The following TULP4 variants were observed in gnomAD, a reference collection of about 807,000 sequenced individuals.
TULP4 encodes tubby-related protein 4.
Under a neutral mutation model 129.0 loss-of-function variants are expected in TULP4, and 16 were observed. The observed-to-expected ratio is 0.12, with a 90% CI of 0.08 to 0.19. The LOEUF (loss-of-function observed/expected upper bound fraction) is 0.19. Ranked by LOEUF, TULP4 falls within the 10% of genes least tolerant of loss-of-function variation. The pLI, the probability that TULP4 is intolerant of heterozygous loss-of-function variation, is 1.00. For synonymous variants in TULP4, 998 were observed against 854.0 expected, an observed-to-expected ratio of 1.17 and a Z score of -2.94; for missense variants, 1,842 against 2,059.1, an observed-to-expected ratio of 0.89 and a Z score of 2.04.
At chr6:158,506,393 G>A (rs906452572) in intron 13 of TULP4, among the ~76,000 whole-genome samples, 185 bp from the exon 14 acceptor site, 14 of 151,726 alleles carry the variant, frequency 9.2e-5, no homozygotes, top group African/African-American at 2.9e-4. Flanking sequence ...CACCACGCCC[G>A]GCTAATTTTT....
intron 6 of TULP4, among the ~76,000 whole-genome samples, chr6:158,465,430 CT>C (rs1210112459): frequency 1.3e-5 from 2 of 152,148 alleles, no homozygotes; most frequent in Non-Finnish European, 2.9e-5. Context: ...CATCTTTCGG[CT>C]GTTGTGAATA....
intron 1 of TULP4, among the ~76,000 whole-genome samples, chr6:158,341,745 T>C (rs529444584): frequency 6.6e-6 from 1 of 152,340 alleles, no homozygotes; most frequent in East Asian, 1.9e-4. Context: ...CTTTTGCCAA[T>C]ATTTTAATTG....
chr6:158,437,588 AT>A (rs1190557731), intron 3 of TULP4, among the ~76,000 whole-genome samples: 1 of 152,202 alleles, frequency 6.6e-6, no homozygotes, highest in Non-Finnish European at 1.5e-5. Context: ...ATTTAAAAAA[AT>A]AATTAGTATG....
At chr6:158,356,532 G>A (rs1780651452) in intron 1 of TULP4, among the ~76,000 whole-genome samples, 1 of 152,210 alleles carries the variant, frequency 6.6e-6, no homozygotes, top group African/African-American at 2.4e-5. Context: ...AGGGAAGACT[G>A]ATACTGGCAT....
At chr6:158,325,421 C>T (rs1270714756) in intron 1 of TULP4, among the ~76,000 whole-genome samples, 1 of 148,894 alleles carries the variant, frequency 6.7e-6, no homozygotes, top group African/African-American at 2.5e-5. Flanking sequence ...GGTTGAATCT[C>T]GGCTCACTGC....
At chr6:158,470,241 G>A (rs536913599) in intron 6 of TULP4, among the ~76,000 whole-genome samples, 8 of 152,324 alleles carry the variant, frequency 5.3e-5, no homozygotes, top group Admixed American at 1.3e-4. Context: ...GCGGGTCTGC[G>A]ACGGCGGCAA....
intron 1 of TULP4, among the ~76,000 whole-genome samples, chr6:158,241,727 C>T (rs7454383): frequency 0.16 from 23,609 of 152,028 alleles, 2,474 homozygotes; most frequent in East Asian, 0.43. Context: ...CCCGAGTAGC[C>T]GGGACTACAG....
At chr6:158,331,976 A>C (rs908626447) in intron 1 of TULP4, among the ~76,000 whole-genome samples, 1 of 148,552 alleles carries the variant, frequency 6.7e-6, no homozygotes, top group African/African-American at 2.5e-5. Flanking sequence ...ATTCGACACC[A>C]GCCTGGCCAA....
chr6:158,363,683 G>A (rs1458198403), intron 1 of TULP4, among the ~76,000 whole-genome samples: 1 of 151,948 alleles, frequency 6.6e-6, no homozygotes, highest in African/African-American at 2.4e-5. Context: ...ATGGGGTTTT[G>A]CCCTGTTGGC....
intron 3 of TULP4, among the ~76,000 whole-genome samples, chr6:158,444,246 A>AATTTT (rs1562568657): frequency 2.3e-5 from 2 of 86,746 alleles, no homozygotes; most frequent in Non-Finnish European, 2.5e-5. Flanking sequence ...AAAAAAAAAA[A>AATTTT]TTTTTTTTTT....
intron 3 of TULP4, among the ~76,000 whole-genome samples, chr6:158,439,011 G>A (rs916021935): frequency 6.6e-6 from 1 of 151,744 alleles, no homozygotes; most frequent in Non-Finnish European, 1.5e-5. Flanking sequence ...CTCTACTAAA[G>A]ATACAAAAAA....
intron 5 of TULP4, among the ~76,000 whole-genome samples, chr6:158,455,508 A>G (rs1459645528): frequency 6.6e-6 from 1 of 151,950 alleles, no homozygotes; most frequent in Non-Finnish European, 1.5e-5. Flanking sequence ...AGGCTGAGGC[A>G]GGTGAATCAC....
chr6:158,361,712 A>G (rs1320835295), intron 1 of TULP4, among the ~76,000 whole-genome samples: 1 of 152,212 alleles, frequency 6.6e-6, no homozygotes, highest in Non-Finnish European at 1.5e-5. Flanking sequence ...GTAAGAAGTA[A>G]AAGTCTTAGT....
chr6:158,491,742 C>T (rs1457934069), intron 9 of TULP4, among the ~76,000 whole-genome samples: 5 of 151,518 alleles, frequency 3.3e-5, no homozygotes, highest in African/African-American at 9.7e-5. Flanking sequence ...CCGCCTACCT[C>T]GGCCTCCCAA....
intron 9 of TULP4, among the ~76,000 whole-genome samples, chr6:158,492,915 C>T (rs775362939): frequency 6.6e-6 from 1 of 152,054 alleles, no homozygotes; most frequent in South Asian, 2.1e-4. Context: ...AAAAGGCAGC[C>T]AAAAAACTTT....
At chr6:158,470,026 T>TTA (rs1460089193) in intron 6 of TULP4, among the ~76,000 whole-genome samples, 1 of 152,044 alleles carries the variant, frequency 6.6e-6, no homozygotes, top group Non-Finnish European at 1.5e-5. Context: ...GCAGTGGGTG[T>TTA]TATAGCTCTA....
At chr6:158,498,601 ACT>A (rs1780380410) in intron 11 of TULP4, 66 bp from the exon 12 acceptor site, 5 of 1,592,012 alleles carry the variant, frequency 3.1e-6, no homozygotes, top group Non-Finnish European at 8.6e-7. Context: ...TCTTCCTGTG[ACT>A]CTCTTGACAC....
At chr6:158,308,526 C>T (rs1451870136), upstream of TULP4, among the ~76,000 whole-genome samples, 1 of 152,094 alleles carries the variant, frequency 6.6e-6, no homozygotes, top group Non-Finnish European at 1.5e-5. Flanking sequence ...GTACACCTCC[C>T]AGACGGGGTG....
chr6:158,268,583 T>C (rs1562500283), intron 1 of TULP4, among the ~76,000 whole-genome samples: 2 of 152,116 alleles, frequency 1.3e-5, no homozygotes, highest in East Asian at 3.9e-4. Flanking sequence ...CTTAATCACT[T>C]CCCAAAGGCC....
Sources: gnomAD v4.1 joint callset for allele counts (sites outside exome capture counted in the v4.1 genomes callset) on GRCh38, gnomAD v4.1.1 for gene constraint, MANE v1.5 for transcripts, NCBI Gene and HGNC (gene_info 2026-07-23, HGNC 2026-07-21) for gene names.